Variants in HLA-DPA1 observed in about 807,000 individuals in gnomAD.
HLA-DPA1 encodes the protein major histocompatibility complex, class II, DP alpha 1, also known as HLA class II histocompatibility antigen, DP alpha 1 chain.
In HLA-DPA1, 20 loss-of-function variants were observed where a neutral mutation model predicts 21.5. The ratio of observed to expected loss-of-function variants is 0.93; its 90% confidence interval spans 0.66 to 1.35. The LOEUF is 1.35. Among genes scored for constraint, HLA-DPA1 ranks in the 40% most tolerant of loss-of-function variants. The probability of loss-of-function intolerance (pLI) is 0.00; values close to 1 mark genes in which losing one functional copy is unlikely to be tolerated. For synonymous variants in HLA-DPA1, 123 were observed against 129.6 expected (o/e 0.95, Z 0.35); for missense variants, 279 against 323.0 (o/e 0.86, Z 1.05).
intron 4 of HLA-DPA1, 30 bp downstream of exon 3, chr6:33,068,989 G>C (rs769698699): frequency 6.2e-7 from 1 of 1,607,538 alleles, no homozygotes; most frequent in Non-Finnish European, 8.5e-7. Flanking sequence ...AGGATGCCAG[G>C]AGATTATGGA....
chr6:33,077,762 C>G (rs1762619932), intron 1 of HLA-DPA1, among the ~76,000 whole-genome samples: 2 of 152,060 alleles, frequency 1.3e-5, no homozygotes, highest in Admixed American at 1.3e-4. Flanking sequence ...CTCTCCACAC[C>G]CCTCCTAGGA....
At chr6:33,076,115 C>T in intron 1 of HLA-DPA1, 4 of 1,611,594 alleles carry the variant, frequency 2.5e-6, no homozygotes, top group Non-Finnish European at 3.4e-6. Context: ...CTGCTCACAT[C>T]TGTGGTCCAG....
chr6:33,065,869 C>G (rs1349786794), intron 5 of HLA-DPA1: 1 of 142,824 alleles, frequency 7.0e-6, no homozygotes, highest in Non-Finnish European at 1.5e-5. Context: ...ACAGCATATT[C>G]TCCTAATTCT....
intron 2 of HLA-DPA1, among the ~76,000 whole-genome samples, chr6:33,073,021 T>C (rs9380338): frequency 0.29 from 44,683 of 151,854 alleles, 8,795 homozygotes; most frequent in East Asian, 0.69. Flanking sequence ...CCACAAAAGA[T>C]AGAGGCTGGG....
At chr6:33,072,580 C>T (rs1296176710) in intron 2 of HLA-DPA1, among the ~76,000 whole-genome samples, 1 of 152,086 alleles carries the variant, frequency 6.6e-6, no homozygotes, top group Non-Finnish European at 1.5e-5. Context: ...CTGGTTCTAC[C>T]CAGCCTGACC....
chr6:33,071,381 C>T (rs1325647905), intron 2 of HLA-DPA1, among the ~76,000 whole-genome samples: 5 of 152,182 alleles, frequency 3.3e-5, no homozygotes, highest in Non-Finnish European at 7.4e-5. Flanking sequence ...TAAAAAGACA[C>T]AAAGTCCTCT....
chr6:33,079,280 G>A (rs1373560218), intron 1 of HLA-DPA1, among the ~76,000 whole-genome samples: 4 of 152,234 alleles, frequency 2.6e-5, no homozygotes, highest in Admixed American at 2.0e-4. Flanking sequence ...AACATGTGCC[G>A]TGTCACTGAT....
intron 1 of HLA-DPA1, chr6:33,079,669 TG>T: frequency 2.1e-6 from 1 of 482,956 alleles, no homozygotes; most frequent in Non-Finnish European, 4.1e-6. Flanking sequence ...TGCTGCCCAG[TG>T]GCTTCCAGAA....
rs149636812 is a variant in HLA-DPA1, at chr6:33,073,969, G to A, written c.-99-300C>T. ...GTCAGATGATCTTTGATGTTTTTTG[G>A]TCACTATATTTTAAATCATGTTTTA... On this transcript the variant is annotated intron_variant, in intron 1 of 5. Transcript: ENST00000419277. Among the ~76,000 whole-genome samples the A allele has an allele frequency of 1.4e-3, 215 of 152,154 alleles. 2 individuals are homozygous for A. In the East Asian group the frequency reaches 0.026, roughly 18 times the overall value.
chr6:33,071,502 T>C (rs1762280761), intron 2 of HLA-DPA1, among the ~76,000 whole-genome samples: 2 of 152,258 alleles, frequency 1.3e-5, no homozygotes, highest in South Asian at 2.1e-4. Context: ...CAGCCAGCTA[T>C]GGAACAGATT....
Position 33,080,470 on chromosome 6 carries a change from C to A in HLA-DPA1, c.-100+210G>T. 1.3e-6 allele frequency: 1 copy of A among 762,112 alleles called. No individual in the cohort carries two copies. The highest frequency in any genetic ancestry group is 2.3e-6 in the Non-Finnish European group (1 of 429,396). 47.2% of individuals were successfully genotyped at this position (762,112 alleles called of 1,614,324 possible). ...GAGCTCATTCTTTTCAGTAAATTCT[C>A]TCTCTGCGTGGTGAGAAAACAGGCC... On this transcript the variant is annotated intron_variant, in intron 1 of 5. Transcript: ENST00000419277. The surrounding 1 kb of genome is among the most constrained non-coding windows in gnomAD (Gnocchi z 4.3).
intron 1 of HLA-DPA1, chr6:33,079,520 C>T (rs1377691935): frequency 2.7e-6 from 1 of 363,684 alleles, no homozygotes. Flanking sequence ...CATGAGGCAC[C>T]AATCAGACTG....
intron 1 of HLA-DPA1, among the ~76,000 whole-genome samples, chr6:33,075,375 G>C (rs9469346): frequency 6.6e-6 from 1 of 152,180 alleles, no homozygotes; most frequent in African/African-American, 2.4e-5. Flanking sequence ...CCCAGTGTAA[G>C]GTCCCTAGAC....
intron 3 of HLA-DPA1, 124 bp downstream of exon 2, chr6:33,069,517 T>C (rs34606334): frequency 0.19 from 236,255 of 1,257,760 alleles, 31,417 homozygotes; most frequent in East Asian, 0.62. Flanking sequence ...GATCAGCCCA[T>C]GGCCACTAGG....
rs573912605 is a variant in HLA-DPA1, at chr6:33,077,554, A to T, written c.-100+3126T>A. 3.3e-5 allele frequency among the ~76,000 whole-genome samples: 5 copies of T among 152,308 alleles called. No homozygotes were observed. The South Asian group carries it at 8.3e-4, about 25-fold the overall frequency. On this transcript the variant is annotated intron_variant, in intron 1 of 5. Coordinates refer to ENST00000419277, the Ensembl canonical transcript of HLA-DPA1. Reference sequence around the variant, plus strand: ...GGCGATCATTAAAAAGTCAGGAAACAACAGGTGCTGGAGAGGATGTGGAGA... The same window carrying T: ...GGCGATCATTAAAAAGTCAGGAAACTACAGGTGCTGGAGAGGATGTGGAGA...
At chr6:33,068,935 C>T (rs1762106312) in intron 4 of HLA-DPA1, 84 bp downstream of exon 3, 1 of 1,542,942 alleles carries the variant, frequency 6.5e-7, no homozygotes, top group South Asian at 1.2e-5. Flanking sequence ...GAGACCCAGC[C>T]AGTGCGGAAA....
intron 1 of HLA-DPA1, among the ~76,000 whole-genome samples, chr6:33,075,099 C>T (rs1762472650): frequency 2.0e-5 from 3 of 152,084 alleles, no homozygotes. Flanking sequence ...TCACTCTAAA[C>T]AAAATAGAAT....
Position 33,069,205 on chromosome 6 carries a change from GC to G in HLA-DPA1, c.441del (p.Leu148SerfsTer35). On this transcript the variant is annotated frameshift_variant, in exon 4 of 6. Coordinates refer to ENST00000419277, the Ensembl canonical transcript of HLA-DPA1. LOFTEE classifies it high-confidence loss of function. ...CCGTTGCACAGCCACGTGACGTTGA[GC>G]ACTGGTGGGAAGAACTTGTCAATGT... 1.2e-6 allele frequency: 2 copies of G among 1,612,968 alleles called. No homozygotes were observed. The highest frequency in any genetic ancestry group is 1.7e-6 in the Non-Finnish European group (2 of 1,179,952).
At chr6:33,079,931 C>G (rs916436763) in intron 1 of HLA-DPA1, 2 of 263,468 alleles carry the variant, frequency 7.6e-6, no homozygotes, top group Middle Eastern at 1.5e-3. Flanking sequence ...ATCAATGCCT[C>G]TAAACCCAAA....
Sources: allele counts gnomAD v4.1 joint callset (sites outside exome capture counted in the v4.1 genomes callset), GRCh38; gene constraint gnomAD v4.1.1; non-coding constraint Gnocchi (gnomAD v3.1); transcripts MANE v1.5; gene names NCBI Gene and HGNC (gene_info 2026-07-23, HGNC 2026-07-21).